ADGRL3: variants seen among roughly 807,000 people sequenced by gnomAD.
ADGRL3 encodes the protein adhesion G protein-coupled receptor L3, also known as calcium-independent alpha-latrotoxin receptor 3.
ADGRL3 carries 62 observed loss-of-function variants against 153.5 expected under a neutral mutation model. The observed-to-expected ratio is 0.40, with a 90% CI of 0.33 to 0.50. The LOEUF (loss-of-function observed/expected upper bound fraction) is 0.50. Ranked by LOEUF, ADGRL3 falls within the 20% of genes least tolerant of loss-of-function variation. ADGRL3 has a pLI of 0.47. For synonymous variants in ADGRL3, 710 were observed against 672.5 expected (o/e 1.06, Z -0.86); for missense variants, 1,641 against 1,859.4 (o/e 0.88, Z 2.16).
At chr4:62,050,815 C>T (rs1027486277) in intron 25 of ADGRL3, among the ~76,000 whole-genome samples, 3 of 151,878 alleles carry the variant, frequency 2.0e-5, no homozygotes, top group Admixed American at 6.6e-5. Context: ...TAACCAGCTC[C>T]TAATATAATC....
At chr4:61,445,250 G>A (rs991588) in intron 2 of ADGRL3, among the ~76,000 whole-genome samples, 141,757 of 152,180 alleles carry the variant, frequency 0.93, 66,871 homozygotes, top group East Asian at 1. Flanking sequence ...AAAGAATTGT[G>A]AAGTTAGCAA....
At chr4:61,728,594 T>TA (rs1276958925) in intron 6 of ADGRL3, among the ~76,000 whole-genome samples, 1 of 152,086 alleles carries the variant, frequency 6.6e-6, no homozygotes, top group Non-Finnish European at 1.5e-5. Context: ...AGTTTTATGT[T>TA]AAAAAAGACT....
At chr4:61,525,589 C>A (rs912267767) in intron 4 of ADGRL3, among the ~76,000 whole-genome samples, 3 of 151,992 alleles carry the variant, frequency 2.0e-5, no homozygotes, top group African/African-American at 7.2e-5. Context: ...TAGAGTGGGA[C>A]TTAAAAGTAG....
intron 2 of ADGRL3, among the ~76,000 whole-genome samples, chr4:61,415,055 T>G (rs899702417): frequency 6.6e-6 from 1 of 151,932 alleles, no homozygotes; most frequent in Admixed American, 6.6e-5. Context: ...ATTTCTTATT[T>G]TATTTTGACA....
intron 1 of ADGRL3, among the ~76,000 whole-genome samples, chr4:61,290,860 T>G (rs1272667910): frequency 6.6e-6 from 1 of 152,116 alleles, no homozygotes; most frequent in African/African-American, 2.4e-5. Context: ...TGGCATGTTA[T>G]GATTTTTTAG....
intron 8 of ADGRL3, among the ~76,000 whole-genome samples, chr4:61,764,247 A>G (rs112604261): frequency 6.6e-6 from 1 of 152,244 alleles, no homozygotes; most frequent in East Asian, 1.9e-4. Flanking sequence ...GAGACCACCA[A>G]ACAGGCTTTG....
chr4:61,645,312 A>G (rs866593610), intron 5 of ADGRL3, among the ~76,000 whole-genome samples: 2 of 151,602 alleles, frequency 1.3e-5, no homozygotes, highest in Non-Finnish European at 2.9e-5. Context: ...TTATGTGTGA[A>G]TTTGATCCTG....
intron 1 of ADGRL3, among the ~76,000 whole-genome samples, chr4:61,333,955 A>C (rs1438383932): frequency 6.8e-6 from 1 of 146,140 alleles, no homozygotes; most frequent in Non-Finnish European, 1.5e-5. Context: ...TCTTTCTGCC[A>C]CCCAGGCTGA....
intron 4 of ADGRL3, among the ~76,000 whole-genome samples, chr4:61,518,307 G>A (rs1451479368): frequency 1.3e-5 from 2 of 152,036 alleles, no homozygotes; most frequent in Middle Eastern, 3.2e-3. Context: ...AAATAAGCTG[G>A]GAAGCATTTG....
chr4:61,457,330 T>C (rs2097765710), intron 2 of ADGRL3, among the ~76,000 whole-genome samples: 1 of 151,998 alleles, frequency 6.6e-6, no homozygotes, highest in Non-Finnish European at 1.5e-5. Context: ...AAATAATTGA[T>C]TATTAAACAA....
At chr4:61,380,685 G>T (rs184385009) in intron 1 of ADGRL3, among the ~76,000 whole-genome samples, 1 of 151,846 alleles carries the variant, frequency 6.6e-6, no homozygotes, top group African/African-American at 2.4e-5. Flanking sequence ...GCTTTCGAAC[G>T]ATATGGAACT....
At position 61,892,912 on chromosome 4, in the gene ADGRL3, T is replaced by A. The variant is rs2098598801; in HGVS notation, c.1737T>A (p.Thr579=). The A allele has an allele frequency of 4.5e-6, 7 of 1,571,836 alleles. No homozygotes were observed. Among genetic ancestry groups the A allele is most frequent in the Non-Finnish European group, 6.0e-6 (7 of 1,163,632 alleles). Residue 579 remains threonine (T), a synonymous_variant, in exon 10 of 27, where the codon ACT becomes ACA. Coordinates refer to ENST00000683033, the MANE Select transcript of ADGRL3 (RefSeq NM_001387552.1). ...CCCGAGAAATCATGTGGTTTAAGAC[T>A]CGTCAAGGACAGATAGCAAAGCAGC... ...VEAREIMWFK[T]RQGQIAKQPC...
At chr4:61,313,351 G>A (rs1204883010) in intron 1 of ADGRL3, among the ~76,000 whole-genome samples, 3 of 152,174 alleles carry the variant, frequency 2.0e-5, no homozygotes, top group Non-Finnish European at 4.4e-5. Flanking sequence ...CCCATAGGAT[G>A]TACAACACAA....
At chr4:61,946,255 A>T (rs1322593011) in intron 15 of ADGRL3, among the ~76,000 whole-genome samples, 3 of 151,856 alleles carry the variant, frequency 2.0e-5, no homozygotes, top group Non-Finnish European at 4.4e-5. Flanking sequence ...AATTTTAGAG[A>T]TTCTTGTGGG....
intron 2 of ADGRL3, among the ~76,000 whole-genome samples, chr4:61,396,607 T>C (rs1399281049): frequency 2.0e-5 from 3 of 151,910 alleles, no homozygotes; most frequent in Non-Finnish European, 4.4e-5. Flanking sequence ...ACAGTGTAGG[T>C]CAAAATGATG....
intron 13 of ADGRL3, among the ~76,000 whole-genome samples, chr4:61,913,836 A>G (rs1046480397): frequency 5.3e-5 from 8 of 152,202 alleles, no homozygotes; most frequent in African/African-American, 1.7e-4. Flanking sequence ...ACTTAGTCAG[A>G]TTATGAAAAG....
intron 1 of ADGRL3, among the ~76,000 whole-genome samples, chr4:61,260,508 C>G (rs2092421748): frequency 6.6e-6 from 1 of 152,064 alleles, no homozygotes. Context: ...ACATTTACTG[C>G]CTTTCTAATG....
intron 3 of ADGRL3, among the ~76,000 whole-genome samples, chr4:61,512,897 G>A (rs907823434): frequency 1.3e-5 from 2 of 152,012 alleles, no homozygotes; most frequent in Non-Finnish European, 2.9e-5. Flanking sequence ...GTAATATGTA[G>A]GTTAGAGTCA....
intron 2 of ADGRL3, among the ~76,000 whole-genome samples, chr4:61,388,385 G>A (rs2096764789): frequency 1.3e-5 from 2 of 152,150 alleles, no homozygotes; most frequent in South Asian, 4.1e-4. Flanking sequence ...TTTTCCACAG[G>A]AAATGACCTC....
Sources: allele counts gnomAD v4.1 joint callset (sites outside exome capture counted in the v4.1 genomes callset), GRCh38; gene constraint gnomAD v4.1.1; transcripts MANE v1.5; gene names NCBI Gene and HGNC (gene_info 2026-07-23, HGNC 2026-07-21).